The following TRIT1 variants were observed in gnomAD, a reference collection of about 807,000 sequenced individuals.
TRIT1 encodes the protein tRNA dimethylallyltransferase.
Under a neutral mutation model 51.2 loss-of-function variants are expected in TRIT1, and 43 were observed. That is an observed-to-expected ratio of 0.84 (90% CI 0.66 to 1.08). The LOEUF (loss-of-function observed/expected upper bound fraction) is 1.08, where lower values mean the gene tolerates loss of function less well. TRIT1 is among the 50% of genes least tolerant of loss of function. TRIT1 has a pLI of 0.00. For missense variants in TRIT1, 528 were observed against 578.4 expected (o/e 0.91, Z 0.89); for synonymous variants, 184 against 203.9 (o/e 0.90, Z 0.83).
At chr1:39,858,999 T>A (rs949047239) in intron 1 of TRIT1, among the ~76,000 whole-genome samples, 2 of 152,012 alleles carry the variant, frequency 1.3e-5, no homozygotes, top group African/African-American at 4.8e-5. Flanking sequence ...ATGCCGGTAA[T>A]CCCAGCACTT....
chr1:39,844,917 C>T (rs1182636641), intron 8 of TRIT1, among the ~76,000 whole-genome samples: 1 of 152,202 alleles, frequency 6.6e-6, no homozygotes, highest in Non-Finnish European at 1.5e-5. Flanking sequence ...CTCAAGTGAC[C>T]ATTGTGTGAG....
intron 10 of TRIT1, among the ~76,000 whole-genome samples, chr1:39,842,406 T>C (rs1010083628): frequency 6.6e-6 from 1 of 152,230 alleles, no homozygotes; most frequent in African/African-American, 2.4e-5. Context: ...TCATCTGTAT[T>C]GCAGGGCATT....
intron 1 of TRIT1, 131 bp from the exon 2 acceptor site, chr1:39,857,548 T>C (rs1362283692): frequency 5.1e-6 from 5 of 975,340 alleles, no homozygotes; most frequent in Non-Finnish European, 7.4e-6. Context: ...AGGGTAGATG[T>C]ATTCTAACAA....
intron 1 of TRIT1, among the ~76,000 whole-genome samples, chr1:39,863,621 G>T (rs1041566755): frequency 6.6e-6 from 1 of 151,724 alleles, no homozygotes; most frequent in African/African-American, 2.4e-5. Context: ...CACCTCTATT[G>T]ATGGTTTATT....
In TRIT1 at chr1:39,840,942, T is replaced by C. The variant is rs948586531; in HGVS notation, c.*802A>G. On this transcript the variant is annotated 3_prime_UTR_variant, in exon 11 of 11. Transcript: ENST00000316891. Reference sequence around the variant, plus strand: ...CCGCTACATAAATGAACAGACAGCATGATCTACAAAAAGTGTCAAATTTGA... The same window carrying C: ...CCGCTACATAAATGAACAGACAGCACGATCTACAAAAAGTGTCAAATTTGA... 6.6e-6 allele frequency: 1 copy of C among 152,202 alleles called. No individual in the cohort carries two copies. The highest frequency in any genetic ancestry group is 1.5e-5 in the Non-Finnish European group (1 of 68,030). The allele number at this position is 152,202 out of a possible 1,614,324, so 9.4% of individuals were successfully genotyped here. A position where few individuals can be genotyped will look rare whatever the true frequency, so the allele number is the denominator to read the frequency against.
At chr1:39,844,285 G>C in intron 9 of TRIT1, 67 bp from the exon 10 acceptor site, 1 of 1,344,942 alleles carries the variant, frequency 7.4e-7, no homozygotes, top group East Asian at 2.3e-5. Flanking sequence ...TCTATTAAGG[G>C]AAATGGGATT....
intron 1 of TRIT1, among the ~76,000 whole-genome samples, chr1:39,882,438 C>T (rs946412982): frequency 1.3e-5 from 2 of 152,150 alleles, no homozygotes; most frequent in African/African-American, 4.8e-5. Context: ...ACTGTAAATT[C>T]TCCTCAACAA....
At chr1:39,866,068 AGAGGGAGG>A (rs1643534849) in intron 1 of TRIT1, among the ~76,000 whole-genome samples, 2 of 131,600 alleles carry the variant, frequency 1.5e-5, no homozygotes, top group South Asian at 5.8e-4. Context: ...GAAGAGGGAG[AGAGGGAGG>A]GAGGGAAGGA....
At chr1:39,881,821 T>C (rs965336257) in intron 1 of TRIT1, 1 of 152,240 alleles carries the variant, frequency 6.6e-6, no homozygotes, top group African/African-American at 2.4e-5. Flanking sequence ...ATAATACTTG[T>C]CATAAAATCT....
In TRIT1 at chr1:39,839,253, C is replaced by T. The variant is rs985685750; in HGVS notation, c.*2491G>A. 6.6e-6 allele frequency among the ~76,000 whole-genome samples: 1 copy of T among 152,182 alleles called. No individual in the cohort carries two copies. The highest frequency in any genetic ancestry group is 2.4e-5 in the African/African-American group (1 of 41,428). On this transcript the variant is annotated 3_prime_UTR_variant, in exon 11 of 11. Transcript: ENST00000316891. ...ATGGTACAAAATGGCATTCCTCATT[C>T]TCACTCCAGGCTGAGCAAATAGCCC...
rs1023950949 is a variant in TRIT1, at chr1:39,883,223, A to G, written c.174+95T>C. 4 of 1,384,350 alleles carry G rather than the reference A, an allele frequency of 2.9e-6. No individual in the cohort carries two copies. The East Asian group carries it at 1.0e-4, about 35-fold the overall frequency. The allele number at this position is 1,384,350 out of a possible 1,614,324, so 85.8% of individuals were successfully genotyped here. On this transcript the variant is annotated intron_variant, in intron 1 of 10. Coordinates refer to ENST00000316891, the MANE Select transcript of TRIT1 (RefSeq NM_017646.6). ...CCCTTTACCTACCCCCTCCGCCCCT[A>G]CAAGCCTCGGGGTTCACCCTTTAAG...
intron 2 of TRIT1, among the ~76,000 whole-genome samples, chr1:39,855,636 T>G (rs1642848766): frequency 6.6e-6 from 1 of 152,154 alleles, no homozygotes; most frequent in South Asian, 2.1e-4. Flanking sequence ...GGATTTTAGA[T>G]TTTCAGATGT....
chr1:39,871,650 T>C (rs947967115), intron 1 of TRIT1, among the ~76,000 whole-genome samples: 2 of 152,180 alleles, frequency 1.3e-5, no homozygotes, highest in Admixed American at 6.5e-5. Context: ...CCTCAAAGGC[T>C]ACATATTGTA....
intron 1 of TRIT1, 110 bp downstream of exon 1, chr1:39,883,208 A>AC (rs565758803): frequency 1.3e-5 from 16 of 1,197,272 alleles, no homozygotes; most frequent in Non-Finnish European, 1.9e-5. Context: ...CCCTTTACCT[A>AC]CCCCCTCCGC....
intron 6 of TRIT1, 54 bp downstream of exon 6, chr1:39,847,932 T>A: frequency 6.5e-7 from 1 of 1,539,664 alleles, no homozygotes; most frequent in Non-Finnish European, 9.0e-7. Flanking sequence ...GTTATGGTCT[T>A]TTGATTGTCT....
rs1335401788 is a variant in TRIT1, at chr1:39,838,512, C to T, written c.*3232G>A. ...TGAGCAACATGGTCTTGCTCTGCCACCCAGGCTGGAATGCAGTGGCATGAT... is the reference window on the plus strand; with the variant it reads ...TGAGCAACATGGTCTTGCTCTGCCATCCAGGCTGGAATGCAGTGGCATGAT... On this transcript the variant is annotated 3_prime_UTR_variant, in exon 11 of 11. Coordinates refer to ENST00000316891, the MANE Select transcript of TRIT1 (RefSeq NM_017646.6). Among the ~76,000 whole-genome samples, 1 of 152,164 alleles carries T rather than the reference C, an allele frequency of 6.6e-6. No homozygotes were observed. Among genetic ancestry groups the T allele is most frequent in the Non-Finnish European group, 1.5e-5 (1 of 68,036 alleles).
chr1:39,863,839 C>T (rs1643384349), intron 1 of TRIT1, among the ~76,000 whole-genome samples: 1 of 151,786 alleles, frequency 6.6e-6, no homozygotes, highest in South Asian at 2.1e-4. Flanking sequence ...AAAAGAAATC[C>T]ATAACAGAGA....
intron 1 of TRIT1, among the ~76,000 whole-genome samples, chr1:39,878,549 C>G (rs959527917): frequency 1.3e-4 from 20 of 152,140 alleles, no homozygotes; most frequent in African/African-American, 4.1e-4. Context: ...TGGTACACTT[C>G]TGAATAGAAA....
At chr1:39,863,169 T>C (rs1376677699) in intron 1 of TRIT1, among the ~76,000 whole-genome samples, 1 of 152,216 alleles carries the variant, frequency 6.6e-6, no homozygotes, top group Non-Finnish European at 1.5e-5. Flanking sequence ...GAAAAGAAGA[T>C]TAAGAAAGTC....
Sources: gnomAD v4.1 joint callset for allele counts (sites outside exome capture counted in the v4.1 genomes callset) on GRCh38, gnomAD v4.1.1 for gene constraint, MANE v1.5 for transcripts, NCBI Gene and HGNC (gene_info 2026-07-23, HGNC 2026-07-21) for gene names.